ZMIZ1: variants seen among roughly 807,000 people sequenced by gnomAD.
ZMIZ1 encodes zinc finger MIZ domain-containing protein 1.
Under a neutral mutation model 113.9 loss-of-function variants are expected in ZMIZ1, and 17 were observed. The ratio of observed to expected loss-of-function variants is 0.15; its 90% CI spans 0.10 to 0.22. The LOEUF (loss-of-function observed/expected upper bound fraction) is 0.22. Among genes scored for constraint, ZMIZ1 ranks in the 10% least tolerant of loss-of-function variants. ZMIZ1 has a pLI of 1.00. For synonymous variants in ZMIZ1, 607 were observed against 603.1 expected (o/e 1.01, Z -0.09); for missense variants, 1,059 against 1,477.8 (o/e 0.72, Z 4.65).
rs1398932082 is a variant in ZMIZ1 at position 79,165,962 on chromosome 10, G to C, written c.-50+3829G>C. On this transcript the variant is annotated intron_variant, in intron 4 of 24. Coordinates refer to ENST00000334512, the MANE Select transcript of ZMIZ1 (RefSeq NM_020338.4). ...CCCCAGCTCAGCTGTGTGTGTGTGTGTGTGTGTGTGTGTGTGTGTGTGTGT... is the reference window on the plus strand; with the variant it reads ...CCCCAGCTCAGCTGTGTGTGTGTGTCTGTGTGTGTGTGTGTGTGTGTGTGT... Among the ~76,000 whole-genome samples the C allele has an allele frequency of 7.9e-3, 483 of 61,172 alleles. 9 individuals carry two copies. The highest frequency in any genetic ancestry group is 0.018 in the African/African-American group (448 of 24,288). The allele number at this position is 61,172 out of a possible 152,430, so 40.1% of individuals were successfully genotyped here. A position where few individuals can be genotyped will look rare whatever the true frequency, so the allele number is the denominator to read the frequency against.
At chr10:79,074,531 A>G (rs150875176) in intron 1 of ZMIZ1, among the ~76,000 whole-genome samples, 1 of 152,196 alleles carries the variant, frequency 6.6e-6, no homozygotes, top group African/African-American at 2.4e-5. Context: ...AGGTCTATAC[A>G]TGGGGCTTCA....
chr10:79,308,512 G>A (rs11597593), intron 23 of ZMIZ1, among the ~76,000 whole-genome samples: 8,483 of 152,248 alleles, frequency 0.056, 311 homozygotes, highest in Non-Finnish European at 0.084. Flanking sequence ...GCCAGAGTCT[G>A]GCAGTGGGCT....
chr10:79,291,645 G>T (rs1853503215), intron 10 of ZMIZ1, among the ~76,000 whole-genome samples: 2 of 152,222 alleles, frequency 1.3e-5, no homozygotes, highest in African/African-American at 4.8e-5. Context: ...AAAGGGCAGG[G>T]ACTCCCAGGA....
intron 3 of ZMIZ1, among the ~76,000 whole-genome samples, chr10:79,154,725 G>A (rs1199575598): frequency 6.6e-6 from 1 of 152,202 alleles, no homozygotes; most frequent in Non-Finnish European, 1.5e-5. Flanking sequence ...AGGAGGTGAG[G>A]ACCCTGTCCT....
chr10:79,116,501 A>G (rs1047591585), intron 1 of ZMIZ1, among the ~76,000 whole-genome samples: 2 of 152,074 alleles, frequency 1.3e-5, no homozygotes, highest in African/African-American at 4.8e-5. Context: ...AGGCTTGAGC[A>G]TGGTAGGAAG....
intron 1 of ZMIZ1, among the ~76,000 whole-genome samples, chr10:79,091,398 C>G (rs1452923495): frequency 1.3e-5 from 2 of 152,216 alleles, no homozygotes; most frequent in Non-Finnish European, 1.5e-5. Flanking sequence ...CAATATTTCT[C>G]CATTAGAAGG....
intron 6 of ZMIZ1, among the ~76,000 whole-genome samples, chr10:79,212,645 A>G (rs1011546230): frequency 2.0e-5 from 3 of 151,970 alleles, no homozygotes; most frequent in Admixed American, 1.3e-4. Context: ...AATCCCAGCT[A>G]CTCGGGTAGC....
chr10:79,281,517 T>C (rs1289923926), intron 8 of ZMIZ1, among the ~76,000 whole-genome samples: 5 of 152,236 alleles, frequency 3.3e-5, no homozygotes, highest in Admixed American at 3.3e-4. Flanking sequence ...AGTGCCCTGC[T>C]GCCTCCATCA....
At chr10:79,094,200 A>G (rs563247635) in intron 1 of ZMIZ1, among the ~76,000 whole-genome samples, 1 of 152,190 alleles carries the variant, frequency 6.6e-6, no homozygotes, top group Non-Finnish European at 1.5e-5. Flanking sequence ...TCCTCGGCAC[A>G]AGCGAGCCGG....
At chr10:79,160,221 G>A (rs1846055427) in intron 3 of ZMIZ1, among the ~76,000 whole-genome samples, 1 of 152,200 alleles carries the variant, frequency 6.6e-6, no homozygotes, top group African/African-American at 2.4e-5. Context: ...AAGTATTGGG[G>A]TCAGTGAACC....
At chr10:79,126,615 G>A (rs544646255) in intron 2 of ZMIZ1, among the ~76,000 whole-genome samples, 29 of 152,356 alleles carry the variant, frequency 1.9e-4, no homozygotes, top group Admixed American at 3.9e-4. Context: ...AAGAAATGAG[G>A]CTGGAGGTGC....
chr10:79,271,949 C>T (rs1351029067), intron 7 of ZMIZ1, among the ~76,000 whole-genome samples: 1 of 152,186 alleles, frequency 6.6e-6, no homozygotes, highest in African/African-American at 2.4e-5. Flanking sequence ...CACTTTTAAA[C>T]ACTTTGTAGG....
At chr10:79,201,072 C>G (rs1848059371) in intron 4 of ZMIZ1, among the ~76,000 whole-genome samples, 1 of 152,208 alleles carries the variant, frequency 6.6e-6, no homozygotes, top group Non-Finnish European at 1.5e-5. Context: ...CTTTGGGAGC[C>G]TGAGGTGGGC....
intron 1 of ZMIZ1, among the ~76,000 whole-genome samples, chr10:79,106,605 G>C (rs747304352): frequency 5.3e-5 from 8 of 152,248 alleles, no homozygotes; most frequent in Non-Finnish European, 7.3e-5. Flanking sequence ...CTCCTTGGCC[G>C]GTCTTTGCCC....
chr10:79,309,601 G>A (rs1383476952), intron 23 of ZMIZ1, among the ~76,000 whole-genome samples: 2 of 152,246 alleles, frequency 1.3e-5, no homozygotes, highest in African/African-American at 2.4e-5. Flanking sequence ...CCTACACCCT[G>A]AGAAGGGGAC....
intron 1 of ZMIZ1, among the ~76,000 whole-genome samples, chr10:79,090,108 G>A (rs1842942049): frequency 6.6e-6 from 1 of 152,126 alleles, no homozygotes; most frequent in African/African-American, 2.4e-5. Context: ...GTGTCTTAAG[G>A]CTCAGTTAGA....
At chr10:79,292,510 G>C (rs943535227) in intron 11 of ZMIZ1, among the ~76,000 whole-genome samples, 154 bp downstream of exon 11, 1 of 152,188 alleles carries the variant, frequency 6.6e-6, no homozygotes, top group Non-Finnish European at 1.5e-5. Flanking sequence ...GGAAGCATGT[G>C]GAGGTCTGTG....
intron 7 of ZMIZ1, among the ~76,000 whole-genome samples, chr10:79,258,395 AAAAG>A (rs1290217499): frequency 1.3e-5 from 2 of 152,210 alleles, no homozygotes; most frequent in Non-Finnish European, 2.9e-5. Flanking sequence ...AAAAGAAAAA[AAAAG>A]AAGAAGAAGA....
chr10:79,180,028 C>T (rs922277832), intron 4 of ZMIZ1, among the ~76,000 whole-genome samples: 1 of 152,252 alleles, frequency 6.6e-6, no homozygotes. Flanking sequence ...TCCTATCCAC[C>T]TGTCCCCTTC....
Sources: gnomAD v4.1 joint callset for allele counts (sites outside exome capture counted in the v4.1 genomes callset) on GRCh38, gnomAD v4.1.1 for gene constraint, MANE v1.5 for transcripts, NCBI Gene and HGNC (gene_info 2026-07-23, HGNC 2026-07-21) for gene names.